Variants in TERF1 observed in about 807,000 individuals in gnomAD.
TERF1 encodes the protein telomeric repeat binding factor 1, also known as telomeric repeat-binding factor 1.
A neutral mutation model predicts 55.1 loss-of-function variants in TERF1; 20 were observed. That is an observed-to-expected ratio of 0.36 (90% CI 0.26 to 0.53). The LOEUF (loss-of-function observed/expected upper bound fraction) is 0.53, where lower values mean the gene tolerates loss of function less well. Among genes scored for constraint, TERF1 ranks in the 20% least tolerant of loss-of-function variants. TERF1 has a pLI of 0.91. For missense variants in TERF1, 439 were observed against 535.7 expected, an observed-to-expected ratio of 0.82 and a Z score of 1.78; for synonymous variants, 168 against 181.2, an observed-to-expected ratio of 0.93 and a Z score of 0.59.
chr8:73,022,047 T>C (rs1808782813), intron 3 of TERF1, among the ~76,000 whole-genome samples, 169 bp from the exon 4 acceptor site: 1 of 152,244 alleles, frequency 6.6e-6, no homozygotes, highest in Non-Finnish European at 1.5e-5. Context: ...AAGCGACACT[T>C]ATTTTGTCTT....
At chr8:73,028,571 A>ATTTTTTTTTTTTTTTTTTTTTTTT (rs59423351) in intron 6 of TERF1, among the ~76,000 whole-genome samples, 1 of 104,426 alleles carries the variant, frequency 9.6e-6, no homozygotes, top group Non-Finnish European at 1.8e-5. Flanking sequence ...ACGTAGACCC[A>ATTTTTTTTTTTTTTTTTTTTTTTT]TTTTTTTTTT....
intron 2 of TERF1, among the ~76,000 whole-genome samples, 163 bp downstream of exon 2, chr8:73,014,153 C>G (rs781599468): frequency 6.6e-6 from 1 of 151,480 alleles, no homozygotes; most frequent in Non-Finnish European, 1.5e-5. Context: ...ACAGTCATAT[C>G]TAAAGCAAGT....
At chr8:73,041,729 T>C (rs1327497813) in intron 9 of TERF1, among the ~76,000 whole-genome samples, 2 of 152,162 alleles carry the variant, frequency 1.3e-5, no homozygotes, top group Admixed American at 1.3e-4. Flanking sequence ...GGCTACTTTT[T>C]CCCTCCGCCT....
In TERF1 at chr8:73,039,264, G is replaced by A. The variant is rs35193358; in HGVS notation, c.1143+45G>A. The A allele has an allele frequency of 2.6e-3, 3,416 of 1,303,138 alleles. 76 individuals are homozygous for A. The African/African-American group carries it at 0.047, about 18-fold the overall frequency. 80.7% of individuals were successfully genotyped at this position (1,303,138 alleles called of 1,614,324 possible). A position where few individuals can be genotyped will look rare whatever the true frequency, so the allele number is the denominator to read the frequency against. On this transcript the variant is annotated intron_variant, in intron 9 of 9. Transcript: ENST00000276603. ...TCGAATAACGCTTATGGACATTAAA[G>A]TTATAACTTGAATAATTGTGATTAT...
intron 2 of TERF1, among the ~76,000 whole-genome samples, chr8:73,014,586 T>C (rs1185617554): frequency 6.6e-6 from 1 of 152,252 alleles, no homozygotes; most frequent in Non-Finnish European, 1.5e-5. Flanking sequence ...TTATCAGTAA[T>C]GGCTGGTATT....
chr8:73,030,527 G>T, intron 7 of TERF1, 132 bp downstream of exon 7: 5 of 529,548 alleles, frequency 9.4e-6, no homozygotes, highest in East Asian at 3.7e-5. Context: ...TAGCCCAACA[G>T]ATAGTCACGA....
At chr8:73,035,847 T>C (rs751328666) in intron 8 of TERF1, among the ~76,000 whole-genome samples, 40 of 152,308 alleles carry the variant, frequency 2.6e-4, no homozygotes, top group Non-Finnish European at 4.9e-4. Flanking sequence ...GGTAATCTTA[T>C]TGTTTTTCAA....
intron 2 of TERF1, among the ~76,000 whole-genome samples, chr8:73,017,197 G>C (rs2129745653): frequency 6.6e-6 from 1 of 152,298 alleles, no homozygotes; most frequent in South Asian, 2.1e-4. Context: ...AGTAATGTCA[G>C]TCAAGAAATA....
intron 8 of TERF1, among the ~76,000 whole-genome samples, chr8:73,032,670 T>A (rs1220050701): frequency 1.3e-5 from 2 of 152,094 alleles, no homozygotes; most frequent in African/African-American, 4.8e-5. Flanking sequence ...TCAGAACATA[T>A]CCCCCTTGTA....
At chr8:73,013,775 A>T in intron 1 of TERF1, 120 bp from the exon 2 acceptor site, 1 of 616,798 alleles carries the variant, frequency 1.6e-6, no homozygotes, top group Non-Finnish European at 2.9e-6. Flanking sequence ...TCTTAAATGT[A>T]CAACTCTAAA....
chr8:73,037,713 A>ATAG (rs1809621896), intron 8 of TERF1, among the ~76,000 whole-genome samples: 1 of 88,358 alleles, frequency 1.1e-5, no homozygotes, highest in African/African-American at 5.1e-5. Flanking sequence ...ATTATATTAT[A>ATAG]TATAATATAT....
At position 73,046,504 on chromosome 8, in the gene TERF1, C is replaced by CT. The variant is rs1483428188; in HGVS notation, c.*376dup. The CT allele has an allele frequency of 2.1e-3, 316 of 152,394 alleles. 2 individuals carry two copies. The highest frequency in any genetic ancestry group is 6.6e-3 in the African/African-American group (274 of 41,204). The allele number at this position is 152,394 out of a possible 1,614,324, so 9.4% of individuals were successfully genotyped here. On this transcript the variant is annotated 3_prime_UTR_variant, in exon 10 of 10. Transcript: ENST00000276603. ...TAACGTAACCCATTAAAATGAATTT[C>CT]TTTTTTTTTAAGACAGAGTTTCTCT...
chr8:73,038,888 T>C (rs1420679999), intron 8 of TERF1: 3 of 527,486 alleles, frequency 5.7e-6, no homozygotes, highest in Non-Finnish European at 8.2e-6. Flanking sequence ...TGAAATGATT[T>C]ATTTAAAGAC....
intron 1 of TERF1, chr8:73,013,079 A>C (rs1391914729): frequency 2.9e-6 from 1 of 345,188 alleles, no homozygotes; most frequent in African/African-American, 2.1e-5. Flanking sequence ...AATTGGGTAA[A>C]AATATATTCG....
chr8:73,022,494 A>C (rs560969559), intron 4 of TERF1, among the ~76,000 whole-genome samples, 192 bp downstream of exon 4: 1 of 152,130 alleles, frequency 6.6e-6, no homozygotes, highest in South Asian at 2.1e-4. Flanking sequence ...AGTAGCTTAC[A>C]CCTATAATTC....
At chr8:73,017,095 CTA>C (rs1373691319) in intron 2 of TERF1, among the ~76,000 whole-genome samples, 5 of 152,110 alleles carry the variant, frequency 3.3e-5, no homozygotes, top group African/African-American at 9.7e-5. Context: ...AAGTGAATGT[CTA>C]TACTGTAAAT....
Position 73,047,034 on chromosome 8 carries a change from G to A in TERF1, c.*897G>A, listed in dbSNP as rs1810065716. Reference sequence around the variant, plus strand: ...ATAATAGACACTGGGGAGGTAGGGTGGGGAGCGGGAGCAAGAGCTGAAAAA... The same window carrying A: ...ATAATAGACACTGGGGAGGTAGGGTAGGGAGCGGGAGCAAGAGCTGAAAAA... On this transcript the variant is annotated 3_prime_UTR_variant, in exon 10 of 10. Transcript: ENST00000276603. The A allele has an allele frequency of 6.6e-6, 1 of 152,154 alleles. No individual in the cohort carries two copies. The highest frequency in any genetic ancestry group is 2.4e-5 in the African/African-American group (1 of 41,440). The allele number at this position is 152,154 out of a possible 1,614,324, so 9.4% of individuals were successfully genotyped here. A position where few individuals can be genotyped will look rare whatever the true frequency, so the allele number is the denominator to read the frequency against.
chr8:73,024,226 T>C (rs1808886232), intron 4 of TERF1, among the ~76,000 whole-genome samples: 1 of 152,250 alleles, frequency 6.6e-6, no homozygotes, highest in Non-Finnish European at 1.5e-5. Flanking sequence ...GAATAAGTGA[T>C]GTTTTTGATC....
At chr8:73,039,841 G>A (rs1809761317) in intron 9 of TERF1, among the ~76,000 whole-genome samples, 1 of 148,214 alleles carries the variant, frequency 6.7e-6, no homozygotes, top group Non-Finnish European at 1.5e-5. Flanking sequence ...TGTAGAGATG[G>A]TGTCTCACAA....
Sources: gnomAD v4.1 joint callset for allele counts (sites outside exome capture counted in the v4.1 genomes callset) on GRCh38, gnomAD v4.1.1 for gene constraint, MANE v1.5 for transcripts, NCBI Gene and HGNC (gene_info 2026-07-23, HGNC 2026-07-21) for gene names.